The following CLEC16A variants were observed in gnomAD, a reference collection of about 807,000 sequenced individuals.
The protein encoded by CLEC16A is C-type lectin domain containing 16A.
Under a neutral mutation model 109.5 loss-of-function variants are expected in CLEC16A, and 51 were observed. The ratio of observed to expected loss-of-function variants is 0.47; its 90% CI spans 0.37 to 0.59. The LOEUF is 0.59. CLEC16A is among the 20% of genes least tolerant of loss of function. The probability of loss-of-function intolerance (pLI) is 0.00; values close to 1 mark genes in which losing one functional copy is unlikely to be tolerated. For synonymous variants in CLEC16A, 673 were observed against 564.2 expected (o/e 1.19, Z -2.73); for missense variants, 1,339 against 1,394.0 (o/e 0.96, Z 0.63).
chr16:10,999,262 G>A (rs1267685279), intron 10 of CLEC16A, among the ~76,000 whole-genome samples: 1 of 152,094 alleles, frequency 6.6e-6, no homozygotes, highest in African/African-American at 2.4e-5. Flanking sequence ...GTTAATATAT[G>A]TTCATGATTA....
chr16:11,068,892 GCAAGCTCCACCTCCCAGATT>G (rs2048906557), intron 19 of CLEC16A, among the ~76,000 whole-genome samples: 1 of 152,050 alleles, frequency 6.6e-6, no homozygotes, highest in African/African-American at 2.4e-5. Flanking sequence ...TCGGCTCGCT[GCAAGCTCCACCTCCCAGATT>G]CAAGCAATTC....
intron 22 of CLEC16A, among the ~76,000 whole-genome samples, chr16:11,132,014 C>T (rs1378031501): frequency 1.3e-5 from 2 of 152,208 alleles, no homozygotes; most frequent in Non-Finnish European, 2.9e-5. Context: ...CAAAAAGGGG[C>T]CTTCCCTGAG....
intron 13 of CLEC16A, among the ~76,000 whole-genome samples, chr16:11,035,717 A>G (rs1328098847): frequency 6.6e-6 from 1 of 152,226 alleles, no homozygotes; most frequent in South Asian, 2.1e-4. Flanking sequence ...AGAGCTTACC[A>G]TGCGAAGGCA....
chr16:11,015,311 G>A (rs144551039), intron 11 of CLEC16A, among the ~76,000 whole-genome samples: 23 of 151,880 alleles, frequency 1.5e-4, no homozygotes, highest in East Asian at 3.9e-4. Context: ...CTGGTTCTGC[G>A]TCAAGATGTG....
At chr16:11,043,449 A>G (rs550238805) in intron 15 of CLEC16A, among the ~76,000 whole-genome samples, 2 of 152,100 alleles carry the variant, frequency 1.3e-5, no homozygotes, top group Non-Finnish European at 2.9e-5. Flanking sequence ...GCCATATTTT[A>G]TAACCCATTT....
chr16:11,034,956 T>C (rs1160338889), intron 13 of CLEC16A, among the ~76,000 whole-genome samples: 3 of 152,060 alleles, frequency 2.0e-5, no homozygotes, highest in Non-Finnish European at 2.9e-5. Flanking sequence ...TGTATGTCCT[T>C]GCACACAGGA....
At chr16:11,067,198 T>A (rs1378077899) in intron 19 of CLEC16A, among the ~76,000 whole-genome samples, 1 of 148,194 alleles carries the variant, frequency 6.7e-6, no homozygotes, top group South Asian at 2.1e-4. Flanking sequence ...TGTTTTTTTT[T>A]TTTTTTTTTT....
At chr16:10,995,301 C>T (rs187708909) in intron 10 of CLEC16A, among the ~76,000 whole-genome samples, 1 of 152,206 alleles carries the variant, frequency 6.6e-6, no homozygotes, top group African/African-American at 2.4e-5. Flanking sequence ...GGAGCCAGGA[C>T]TGAAACCACG....
At chr16:11,055,128 G>C (rs1192782846) in intron 18 of CLEC16A, among the ~76,000 whole-genome samples, 1 of 152,074 alleles carries the variant, frequency 6.6e-6, no homozygotes. Context: ...GTTAGCCTTG[G>C]GGGTGAAGAA....
intron 3 of CLEC16A, among the ~76,000 whole-genome samples, chr16:10,967,576 T>G (rs545395401): frequency 2.8e-4 from 43 of 152,216 alleles, no homozygotes; most frequent in East Asian, 5.8e-4. Flanking sequence ...GTAATAATAA[T>G]AAGAAGAATG....
At chr16:11,107,692 C>T (rs920167906) in intron 19 of CLEC16A, among the ~76,000 whole-genome samples, 18 of 152,196 alleles carry the variant, frequency 1.2e-4, no homozygotes, top group African/African-American at 4.1e-4. Context: ...TTACCAGGGC[C>T]CAGTTCCTTG....
rs113161742 is a variant in CLEC16A, at chr16:10,979,432, C to T, written c.957+50C>T. ...CCCCACTACATTTGGGGTCCCTTGG[C>T]GTGCCACTGCCTTGAAGAAAATCCC... On this transcript the variant is annotated intron_variant, in intron 9 of 23. Transcript: ENST00000409790. 8.4e-5 allele frequency: 129 copies of T among 1,530,190 alleles called. 1 individual carries two copies. The Admixed American group carries it at 1.2e-3, about 15-fold the overall frequency. 94.8% of individuals were successfully genotyped at this position (1,530,190 alleles called of 1,614,324 possible).
At chr16:11,026,645 G>GT (rs35679277) in intron 13 of CLEC16A, among the ~76,000 whole-genome samples, 1,608 of 106,378 alleles carry the variant, frequency 0.015, 13 homozygotes, top group Non-Finnish European at 0.021. Flanking sequence ...TTTGTTTGGG[G>GT]TTTTTTTTTT....
At chr16:10,945,864 A>G (rs917410989) in intron 1 of CLEC16A, among the ~76,000 whole-genome samples, 1 of 152,076 alleles carries the variant, frequency 6.6e-6, no homozygotes, top group African/African-American at 2.4e-5. Flanking sequence ...TTTTTTATTT[A>G]TACTTATTTT....
At chr16:11,002,666 C>G (rs911382123) in intron 10 of CLEC16A, among the ~76,000 whole-genome samples, 5 of 152,256 alleles carry the variant, frequency 3.3e-5, no homozygotes, top group African/African-American at 9.6e-5. Context: ...ACCACCCCTC[C>G]CAGTCTCATT....
chr16:11,173,456 C>T (rs566609954), intron 23 of CLEC16A, among the ~76,000 whole-genome samples: 119 of 150,534 alleles, frequency 7.9e-4, no homozygotes, highest in Non-Finnish European at 1.4e-3. Context: ...GGCCACCTGG[C>T]ACCTGGTCTC....
chr16:11,050,953 G>C (rs558896608), intron 17 of CLEC16A, among the ~76,000 whole-genome samples: 3 of 152,358 alleles, frequency 2.0e-5, no homozygotes, highest in East Asian at 3.9e-4. Context: ...TCTTGGCTCT[G>C]CCACCCACCA....
intron 19 of CLEC16A, among the ~76,000 whole-genome samples, chr16:11,062,110 A>T (rs1170535271): frequency 2.0e-5 from 3 of 150,834 alleles, no homozygotes; most frequent in Non-Finnish European, 4.4e-5. Context: ...CTGATTGTCT[A>T]AGCTGGGGTC....
intron 19 of CLEC16A, among the ~76,000 whole-genome samples, chr16:11,099,564 G>T (rs1438327630): frequency 1.3e-5 from 2 of 152,290 alleles, no homozygotes; most frequent in Non-Finnish European, 2.9e-5. Context: ...TTGGGCAGCA[G>T]CGCTGTCTAG....
Sources: gnomAD v4.1 joint callset for allele counts (sites outside exome capture counted in the v4.1 genomes callset) on GRCh38, gnomAD v4.1.1 for gene constraint, MANE v1.5 for transcripts, NCBI Gene and HGNC (gene_info 2026-07-23, HGNC 2026-07-21) for gene names.